Variants in ADAMTSL1 observed in about 807,000 individuals in gnomAD.
The protein encoded by ADAMTSL1 is ADAMTS like 1, also known as ADAMTS-like protein 1.
A neutral mutation model predicts 201.8 loss-of-function variants in ADAMTSL1; 126 were observed. The observed-to-expected ratio is 0.62, with a 90% CI of 0.54 to 0.72. The LOEUF is 0.72. ADAMTSL1 is among the 30% of genes least tolerant of loss of function. The pLI is 0.00. For synonymous variants in ADAMTSL1, 1,121 were observed against 903.4 expected (o/e 1.24, Z -4.32); for missense variants, 2,679 against 2,277.8 (o/e 1.18, Z -3.59).
intron 1 of ADAMTSL1, among the ~76,000 whole-genome samples, chr9:18,003,266 T>C (rs1819686560): frequency 6.8e-6 from 1 of 147,250 alleles, no homozygotes; most frequent in Admixed American, 6.7e-5. Flanking sequence ...ACTGACAGTC[T>C]ACATGTCCAT....
rs763639322 is a variant in ADAMTSL1 at position 18,504,887 on chromosome 9, C to A, written c.122C>A (p.Pro41Gln). ...DRDGLWDAWG[P>Q]WSECSRTCGG... Reference sequence around the variant, plus strand: ...GACGGCCTATGGGATGCCTGGGGCCCATGGAGTGAATGCTCACGCACCTGC... The same window carrying A: ...GACGGCCTATGGGATGCCTGGGGCCAATGGAGTGAATGCTCACGCACCTGC... Residue 41 changes from proline to glutamine, a missense_variant, in exon 2 of 29, where the codon CCA (proline) becomes CAA (glutamine). Physicochemically the swap from Pro to Gln is moderately conservative, Grantham distance 76 (BLOSUM62 -1). Coordinates refer to ENST00000380548, the MANE Select transcript of ADAMTSL1 (RefSeq NM_001040272.6). The A allele has an allele frequency of 3.7e-6, 6 of 1,613,470 alleles. No individual in the cohort carries two copies. The highest frequency in any genetic ancestry group is 8.5e-7 in the Non-Finnish European group (1 of 1,179,860).
chr9:18,358,947 C>A (rs955770515), intron 2 of ADAMTSL1, among the ~76,000 whole-genome samples: 6 of 152,016 alleles, frequency 3.9e-5, no homozygotes, highest in African/African-American at 9.7e-5. Flanking sequence ...CTATAGCAGA[C>A]ATTCAGAGTC....
chr9:18,102,971 T>C (rs538082049), intron 1 of ADAMTSL1, among the ~76,000 whole-genome samples: 1 of 152,358 alleles, frequency 6.6e-6, no homozygotes. Flanking sequence ...AAAGCTGTTA[T>C]TTTTGTTTAC....
At chr9:18,822,467 A>C (rs1824269015) in intron 21 of ADAMTSL1, among the ~76,000 whole-genome samples, 2 of 152,234 alleles carry the variant, frequency 1.3e-5, no homozygotes, top group East Asian at 3.8e-4. Context: ...GAGTCAGGCT[A>C]GTATAATGGC....
chr9:18,462,887 C>T (rs992486178), intron 2 of ADAMTSL1, among the ~76,000 whole-genome samples: 18 of 151,018 alleles, frequency 1.2e-4, no homozygotes, highest in Non-Finnish European at 2.4e-4. Context: ...TGCAGTGAGC[C>T]GAGGGAGCAC....
chr9:18,656,628 C>CAAAAAAAAA lies in ADAMTSL1; in HGVS notation c.835-1002_835-994dup, dbSNP rs34965386. Among the ~76,000 whole-genome samples, 252 of 75,254 alleles carry CAAAAAAAAA rather than the reference C, an allele frequency of 3.3e-3. 5 individuals carry two copies. The highest frequency in any genetic ancestry group is 4.8e-3 in the Non-Finnish European group (181 of 38,046). The allele number at this position is 75,254 out of a possible 152,430, so 49.4% of individuals were successfully genotyped here. A position where few individuals can be genotyped will look rare whatever the true frequency, so the allele number is the denominator to read the frequency against. ...TGAGCAACAGAGCAAGACTCCATCG[C>CAAAAAAAAA]AAAAAAAAAAAAAAAAAGAAAATGT... On this transcript the variant is annotated intron_variant, in intron 7 of 28. Coordinates refer to ENST00000380548, the MANE Select transcript of ADAMTSL1 (RefSeq NM_001040272.6).
intron 23 of ADAMTSL1, among the ~76,000 whole-genome samples, chr9:18,866,626 G>A (rs1827556337): frequency 6.6e-6 from 1 of 152,226 alleles, no homozygotes; most frequent in African/African-American, 2.4e-5. Flanking sequence ...CTGTCCTGAT[G>A]TGAAGGGAAA....
At chr9:18,437,184 T>C (rs929572190) in intron 2 of ADAMTSL1, among the ~76,000 whole-genome samples, 11 of 151,856 alleles carry the variant, frequency 7.2e-5, no homozygotes, top group Non-Finnish European at 1.5e-4. Flanking sequence ...CTCTTGCAAA[T>C]CCACTGCTTA....
At chr9:18,217,790 C>T (rs1056128449) in intron 2 of ADAMTSL1, among the ~76,000 whole-genome samples, 9 of 152,176 alleles carry the variant, frequency 5.9e-5, no homozygotes, top group East Asian at 3.9e-4. Context: ...CCTAGAAATG[C>T]GGCTAATGGC....
At chr9:18,305,618 C>A (rs1833879145) in intron 2 of ADAMTSL1, among the ~76,000 whole-genome samples, 1 of 152,226 alleles carries the variant, frequency 6.6e-6, no homozygotes, top group African/African-American at 2.4e-5. Context: ...GAGCCCACTG[C>A]AGCTCAGCAA....
chr9:17,972,063 C>A (rs1404244686), intron 1 of ADAMTSL1, among the ~76,000 whole-genome samples: 2 of 151,776 alleles, frequency 1.3e-5, no homozygotes, highest in African/African-American at 4.8e-5. Context: ...TACCACTATA[C>A]ACTAATTAAC....
At chr9:18,668,839 C>G (rs969019239) in intron 9 of ADAMTSL1, among the ~76,000 whole-genome samples, 1 of 152,178 alleles carries the variant, frequency 6.6e-6, no homozygotes, top group Admixed American at 6.5e-5. Flanking sequence ...TTTAGTTTTA[C>G]AGTCCCTAGG....
At chr9:18,129,762 G>T (rs1330570564) in intron 1 of ADAMTSL1, among the ~76,000 whole-genome samples, 1 of 152,158 alleles carries the variant, frequency 6.6e-6, no homozygotes, top group African/African-American at 2.4e-5. Context: ...ATTCTGTAAC[G>T]CTGAGAGTCA....
At chr9:18,463,384 T>C (rs1024661327) in intron 2 of ADAMTSL1, among the ~76,000 whole-genome samples, 2 of 152,178 alleles carry the variant, frequency 1.3e-5, no homozygotes, top group African/African-American at 2.4e-5. Flanking sequence ...TTGTGGTAAA[T>C]ATATGTGATG....
chr9:18,413,809 T>C (rs1363569545), intron 2 of ADAMTSL1, among the ~76,000 whole-genome samples: 1 of 152,232 alleles, frequency 6.6e-6, no homozygotes, highest in African/African-American at 2.4e-5. Flanking sequence ...CTTTCCATCA[T>C]GGCAGAATTA....
chr9:18,656,941 A>G (rs1828723370), intron 7 of ADAMTSL1, among the ~76,000 whole-genome samples: 1 of 152,242 alleles, frequency 6.6e-6, no homozygotes, highest in Admixed American at 6.5e-5. Flanking sequence ...TTTAAAAAAA[A>G]AAAGAAATTG....
chr9:18,545,514 C>T (rs374974328), intron 3 of ADAMTSL1, among the ~76,000 whole-genome samples: 3 of 151,998 alleles, frequency 2.0e-5, no homozygotes, highest in Admixed American at 6.6e-5. Context: ...AATTATAATT[C>T]TTCAAGGCTA....
At chr9:18,882,134 C>G (rs1828571945) in intron 23 of ADAMTSL1, among the ~76,000 whole-genome samples, 1 of 152,306 alleles carries the variant, frequency 6.6e-6, no homozygotes, top group African/African-American at 2.4e-5. Flanking sequence ...GGGGCTGCTA[C>G]CACTCCTTTT....
At chr9:18,369,453 G>A (rs1001630680) in intron 2 of ADAMTSL1, among the ~76,000 whole-genome samples, 6 of 152,108 alleles carry the variant, frequency 3.9e-5, no homozygotes, top group African/African-American at 1.4e-4. Context: ...AGTCAGAAGG[G>A]CTGTTATTAA....
Sources: gnomAD v4.1 joint callset for allele counts (sites outside exome capture counted in the v4.1 genomes callset) on GRCh38, gnomAD v4.1.1 for gene constraint, MANE v1.5 for transcripts, NCBI Gene and HGNC (gene_info 2026-07-23, HGNC 2026-07-21) for gene names.